The following PLCL1 variants were observed in gnomAD, a reference collection of about 807,000 sequenced individuals.
PLCL1 encodes the protein phospholipase C like 1 (inactive).
PLCL1 carries 41 observed loss-of-function variants against 84.4 expected under a neutral mutation model. The ratio of observed to expected loss-of-function variants is 0.49; its 90% CI spans 0.38 to 0.63. The LOEUF is 0.63. Ranked by LOEUF, PLCL1 falls within the 30% of genes least tolerant of loss-of-function variation. The pLI is 0.00. For missense variants in PLCL1, 1,206 were observed against 1,367.8 expected (o/e 0.88, Z 1.87); for synonymous variants, 490 against 488.3 (o/e 1.00, Z -0.05).
chr2:197,899,859 T>C (rs1023097832), intron 1 of PLCL1, among the ~76,000 whole-genome samples: 3 of 151,832 alleles, frequency 2.0e-5, no homozygotes, highest in Non-Finnish European at 4.4e-5. Context: ...ATGGTCTCGA[T>C]CTCCTGACCT....
intron 1 of PLCL1, among the ~76,000 whole-genome samples, chr2:198,062,847 G>A (rs182294140): frequency 1.1e-3 from 172 of 152,296 alleles, no homozygotes; most frequent in African/African-American, 3.8e-3. Flanking sequence ...TTATAATCAG[G>A]TAAGTTTGGG....
chr2:197,919,639 C>T (rs927693561), intron 1 of PLCL1, among the ~76,000 whole-genome samples: 4 of 152,180 alleles, frequency 2.6e-5, no homozygotes, highest in Non-Finnish European at 5.9e-5. Flanking sequence ...GACTTGTAAT[C>T]ACCAATGATA....
intron 1 of PLCL1, among the ~76,000 whole-genome samples, chr2:198,030,129 G>T (rs1427600871): frequency 2.0e-5 from 3 of 152,086 alleles, no homozygotes; most frequent in African/African-American, 7.2e-5. Flanking sequence ...CTACACAGTA[G>T]TTATTTTTCC....
At chr2:198,097,480 T>C (rs1349083270) in intron 3 of PLCL1, among the ~76,000 whole-genome samples, 1 of 152,178 alleles carries the variant, frequency 6.6e-6, no homozygotes, top group African/African-American at 2.4e-5. Context: ...GTAGTCAAAT[T>C]GGCCTGAAAA....
chr2:197,840,539 A>G (rs1216622811), intron 1 of PLCL1, among the ~76,000 whole-genome samples: 2 of 151,968 alleles, frequency 1.3e-5, no homozygotes, highest in Non-Finnish European at 2.9e-5. Flanking sequence ...TTGTGGGGAG[A>G]CTGAGGGTGG....
At chr2:198,001,526 C>A (rs1202248011) in intron 1 of PLCL1, among the ~76,000 whole-genome samples, 1 of 152,176 alleles carries the variant, frequency 6.6e-6, no homozygotes, top group African/African-American at 2.4e-5. Context: ...ATTAATTTCT[C>A]CCATTTTGGA....
intron 1 of PLCL1, among the ~76,000 whole-genome samples, chr2:198,026,690 G>A (rs917401964): frequency 6.6e-6 from 1 of 152,166 alleles, no homozygotes; most frequent in African/African-American, 2.4e-5. Context: ...TTGGGCAAAG[G>A]ACCTGAATAG....
intron 1 of PLCL1, among the ~76,000 whole-genome samples, chr2:197,962,823 A>C (rs1053927458): frequency 6.6e-6 from 1 of 152,082 alleles, no homozygotes; most frequent in Non-Finnish European, 1.5e-5. Context: ...CAAATAAGTG[A>C]GAACATGCAA....
At chr2:198,090,817 A>G (rs973131992) in intron 3 of PLCL1, among the ~76,000 whole-genome samples, 2 of 152,226 alleles carry the variant, frequency 1.3e-5, no homozygotes, top group African/African-American at 4.8e-5. Flanking sequence ...GAAATCATTC[A>G]TGGCCAGGGA....
chr2:198,103,967 C>A, intron 5 of PLCL1, 31 bp downstream of exon 5: 1 of 1,061,266 alleles, frequency 9.4e-7, no homozygotes, highest in Non-Finnish European at 1.4e-6. Context: ...TCCCCTGTGC[C>A]TTTACTTTTC....
At chr2:197,837,544 A>G (rs898961104) in intron 1 of PLCL1, among the ~76,000 whole-genome samples, 3 of 152,192 alleles carry the variant, frequency 2.0e-5, no homozygotes, top group African/African-American at 4.8e-5. Context: ...TCCAGAGAAG[A>G]TAGATATCAA....
chr2:198,105,371 C>A (rs752382718), intron 5 of PLCL1, among the ~76,000 whole-genome samples: 3 of 151,890 alleles, frequency 2.0e-5, no homozygotes, highest in Non-Finnish European at 4.4e-5. Flanking sequence ...TTCCATTGGT[C>A]TATATGTCTG....
chr2:198,054,467 G>A (rs778089944), intron 1 of PLCL1, among the ~76,000 whole-genome samples: 2 of 152,188 alleles, frequency 1.3e-5, no homozygotes, highest in African/African-American at 2.4e-5. Flanking sequence ...GGACAGCAGT[G>A]TGTGGCCCAG....
chr2:197,993,602 C>G (rs186546118), intron 1 of PLCL1, among the ~76,000 whole-genome samples: 2 of 152,194 alleles, frequency 1.3e-5, no homozygotes, highest in African/African-American at 2.4e-5. Context: ...CCTGAGGGGA[C>G]AAGGAGAAGG....
At chr2:197,944,796 G>A (rs754996342) in intron 1 of PLCL1, among the ~76,000 whole-genome samples, 2 of 152,122 alleles carry the variant, frequency 1.3e-5, no homozygotes, top group South Asian at 2.1e-4. Flanking sequence ...GGACAAATCA[G>A]CTTGCTTCTT....
intron 1 of PLCL1, among the ~76,000 whole-genome samples, chr2:198,012,261 A>G (rs1690885413): frequency 6.6e-6 from 1 of 152,152 alleles, no homozygotes; most frequent in Non-Finnish European, 1.5e-5. Flanking sequence ...TTGCTGGGCT[A>G]AAGTGCTGCA....
intron 1 of PLCL1, among the ~76,000 whole-genome samples, chr2:198,054,537 G>A (rs1039360341): frequency 3.3e-5 from 5 of 152,194 alleles, no homozygotes; most frequent in African/African-American, 9.7e-5. Context: ...ATTGACTCCA[G>A]CCCCATCTCT....
At chr2:198,120,438 C>T (rs967194428) in intron 5 of PLCL1, among the ~76,000 whole-genome samples, 1 of 151,862 alleles carries the variant, frequency 6.6e-6, no homozygotes, top group African/African-American at 2.4e-5. Flanking sequence ...TCTTTTTGTA[C>T]CCATTAACCA....
chr2:197,853,837 A>G (rs1687285063), intron 1 of PLCL1, among the ~76,000 whole-genome samples: 1 of 152,114 alleles, frequency 6.6e-6, no homozygotes, highest in African/African-American at 2.4e-5. Context: ...TTATCTCTTC[A>G]TTCTTCCATC....
Sources: allele counts gnomAD v4.1 joint callset (sites outside exome capture counted in the v4.1 genomes callset), GRCh38; gene constraint gnomAD v4.1.1; transcripts MANE v1.5; gene names NCBI Gene and HGNC (gene_info 2026-07-23, HGNC 2026-07-21).